The following UBE4B variants were observed in gnomAD, a reference collection of about 807,000 sequenced individuals.
UBE4B encodes the protein ubiquitin conjugation factor E4 B.
Under a neutral mutation model 148.1 loss-of-function variants are expected in UBE4B, and 27 were observed. The ratio of observed to expected loss-of-function variants is 0.18; its 90% CI spans 0.13 to 0.25. UBE4B has a LOEUF of 0.25. Among genes scored for constraint, UBE4B ranks in the 10% least tolerant of loss-of-function variants. The pLI is 1.00. For missense variants in UBE4B, 1,170 were observed against 1,662.4 expected (o/e 0.70, Z 5.15); for synonymous variants, 596 against 619.3 (o/e 0.96, Z 0.56).
At position 10,137,154 on chromosome 1, in the gene UBE4B, C is replaced by G. The variant is rs767351956; in HGVS notation, c.2312C>G (p.Pro771Arg). 6.2e-7 allele frequency: 1 copy of G among 1,614,110 alleles called. No individual in the cohort carries two copies. The highest frequency in any genetic ancestry group is 8.5e-7 in the Non-Finnish European group (1 of 1,180,030). Residue 771 changes from proline (P) to arginine (R), a missense_variant, in exon 17 of 28, where the codon CCT (proline) becomes CGT (arginine). Pro to Arg is a moderately radical substitution (Grantham distance 103). Transcript: ENST00000343090. Reference protein sequence around the residue: ...TLHAHHLSILPSCRRYIRRLR... With the variant: ...TLHAHHLSILRSCRRYIRRLR... ...CATGCTCACCACCTCTCTATTCTGC[C>G]TAGTTGCCGTCGCTATATCCGCAGA...
intron 21 of UBE4B, among the ~76,000 whole-genome samples, chr1:10,152,699 G>A (rs1015667815): frequency 1.3e-4 from 20 of 152,076 alleles, no homozygotes; most frequent in Non-Finnish European, 2.5e-4. Flanking sequence ...TCAGGAGGCC[G>A]AGGCACGAGA....
chr1:10,084,512 C>T (rs1644732651), intron 2 of UBE4B, among the ~76,000 whole-genome samples: 1 of 151,768 alleles, frequency 6.6e-6, no homozygotes, highest in Non-Finnish European at 1.5e-5. Flanking sequence ...GTTTTGGGTG[C>T]ATTTGTCTGG....
At chr1:10,155,514 C>T (rs1027064781) in intron 21 of UBE4B, among the ~76,000 whole-genome samples, 1 of 152,188 alleles carries the variant, frequency 6.6e-6, no homozygotes, top group Non-Finnish European at 1.5e-5. Flanking sequence ...GGTCTTCCTA[C>T]AGCTACTAAG....
rs936028503 is a variant in UBE4B at position 10,168,753 on chromosome 1, G to A, written c.3333+483G>A. Among the ~76,000 whole-genome samples, 8 of 152,084 alleles carry A rather than the reference G, an allele frequency of 5.3e-5. No homozygotes were observed. Among genetic ancestry groups the A allele is most frequent in the South Asian group, 2.1e-4 (1 of 4,822 alleles). On this transcript the variant is annotated intron_variant, in intron 24 of 27. Coordinates refer to ENST00000343090, the MANE Select transcript of UBE4B (RefSeq NM_001105562.3). This position sits in a 1 kb window ranked among gnomAD's most constrained non-coding sequence, Gnocchi z 4.9. ...TAAAAGTACAAAAAATTAGCTGGGC[G>A]TGGTGGTGGGCACCTGTAGTCCCAG...
At chr1:10,110,334 G>C (rs940872748) in intron 7 of UBE4B, among the ~76,000 whole-genome samples, 1 of 152,212 alleles carries the variant, frequency 6.6e-6, no homozygotes, top group Non-Finnish European at 1.5e-5. Flanking sequence ...GAAAAGAACT[G>C]TTTGAGATAT....
At chr1:10,086,120 C>T (rs995940298) in intron 2 of UBE4B, among the ~76,000 whole-genome samples, 11 of 152,040 alleles carry the variant, frequency 7.2e-5, no homozygotes, top group Admixed American at 5.2e-4. Context: ...TACAGGCGCC[C>T]GCCACCACGC....
rs141124105 is a variant in UBE4B, at chr1:10,133,744, C to G, written c.2026-1244C>G. Among the ~76,000 whole-genome samples, 1,271 of 151,956 alleles carry G rather than the reference C, an allele frequency of 8.4e-3. 11 individuals are homozygous for G. Among genetic ancestry groups the G allele is most frequent in the Non-Finnish European group, 0.013 (888 of 67,948 alleles). ...CTGGCGACATAATGAGACCCCATCTCTACAAAATATACAAAAGTCATCTGG... is the reference window on the plus strand; with the variant it reads ...CTGGCGACATAATGAGACCCCATCTGTACAAAATATACAAAAGTCATCTGG... On this transcript the variant is annotated intron_variant, in intron 15 of 27. Coordinates refer to ENST00000343090, the MANE Select transcript of UBE4B (RefSeq NM_001105562.3).
intron 18 of UBE4B, among the ~76,000 whole-genome samples, chr1:10,146,404 A>G (rs1204544087): frequency 6.6e-6 from 1 of 152,232 alleles, no homozygotes; most frequent in East Asian, 1.9e-4. Context: ...GTGAGCCAAG[A>G]TCGCGCCACT....
chr1:10,178,430 T>A (rs771121903), intron 25 of UBE4B, among the ~76,000 whole-genome samples: 2 of 152,122 alleles, frequency 1.3e-5, no homozygotes, highest in South Asian at 4.1e-4. Context: ...ATTATTCCAG[T>A]CTTTATCCAT....
intron 5 of UBE4B, among the ~76,000 whole-genome samples, chr1:10,103,363 C>T (rs1015091608): frequency 6.6e-6 from 1 of 151,484 alleles, no homozygotes; most frequent in Non-Finnish European, 1.5e-5. Context: ...AAGTTTTTCT[C>T]TTTGTAGTAA....
At chr1:10,151,267 G>A in intron 20 of UBE4B, 59 bp from the exon 21 acceptor site, 1 of 1,531,140 alleles carries the variant, frequency 6.5e-7, no homozygotes. Flanking sequence ...CTTCACCCAA[G>A]ATGAGTTTCT....
At chr1:10,076,858 T>A (rs915042553) in intron 2 of UBE4B, among the ~76,000 whole-genome samples, 14 of 148,948 alleles carry the variant, frequency 9.4e-5, no homozygotes, top group East Asian at 4.2e-4. Flanking sequence ...GCTATTCTCC[T>A]ACCTCAGCCT....
At chr1:10,121,933 C>T (rs1189745862) in intron 9 of UBE4B, 29 bp from the exon 10 acceptor site, 2 of 1,514,934 alleles carry the variant, frequency 1.3e-6, no homozygotes, top group Non-Finnish European at 1.8e-6. Context: ...TTGACTTCAT[C>T]ACCGTCCCTA....
chr1:10,079,637 A>T (rs1182051458), intron 2 of UBE4B, among the ~76,000 whole-genome samples: 1 of 152,192 alleles, frequency 6.6e-6, no homozygotes, highest in Non-Finnish European at 1.5e-5. Context: ...ATCTGTTTCC[A>T]TCTGTGGACC....
rs1645742679 is a variant in UBE4B, at chr1:10,139,065, A to G, written c.2363+1860A>G. ...GTAATTTTCATTTCTTGTTAAGTGC[A>G]TCTCAAATTTTGGTATCAAGGTTAT... On this transcript the variant is annotated intron_variant, in intron 17 of 27. Coordinates refer to ENST00000343090, the MANE Select transcript of UBE4B (RefSeq NM_001105562.3). 2.0e-5 allele frequency among the ~76,000 whole-genome samples: 3 copies of G among 152,238 alleles called. No homozygotes were observed. In the South Asian group the frequency reaches 6.2e-4, roughly 31 times the overall value.
chr1:10,106,696 T>C lies in UBE4B; in HGVS notation c.1196+113T>C. On this transcript the variant is annotated intron_variant, in intron 7 of 27. Coordinates refer to ENST00000343090, the MANE Select transcript of UBE4B (RefSeq NM_001105562.3). The surrounding 1 kb of genome is among the most constrained non-coding windows in gnomAD (Gnocchi z 4.2). ...GACTCTGTTAAATTGTTGTTTTGGG[T>C]TATTAACCTGTGTGGCTAACTAGTT... is the stretch of plus-strand genomic sequence containing the variant. The C allele has an allele frequency of 7.3e-7, 1 of 1,367,408 alleles. No individual in the cohort carries two copies. The allele number at this position is 1,367,408 out of a possible 1,614,324, so 84.7% of individuals were successfully genotyped here. A position where few individuals can be genotyped will look rare whatever the true frequency, so the allele number is the denominator to read the frequency against.
intron 2 of UBE4B, among the ~76,000 whole-genome samples, chr1:10,086,065 T>A (rs58810363): frequency 2.0e-5 from 3 of 151,920 alleles, no homozygotes; most frequent in East Asian, 3.9e-4. Flanking sequence ...TCCACCTCCC[T>A]GGTTCACGCC....
chr1:10,135,317 T>G, intron 16 of UBE4B, 131 bp downstream of exon 16: 1 of 989,296 alleles, frequency 1.0e-6, no homozygotes, highest in Admixed American at 2.2e-5. Context: ...TAAAAATTAA[T>G]ACAGTAGGCC....
At chr1:10,131,786 A>G (rs1005350696) in intron 14 of UBE4B, among the ~76,000 whole-genome samples, 2 of 152,094 alleles carry the variant, frequency 1.3e-5, no homozygotes, top group Non-Finnish European at 2.9e-5. Flanking sequence ...CCCCATCTCT[A>G]CTAAAATACA....
Sources: allele counts gnomAD v4.1 joint callset (sites outside exome capture counted in the v4.1 genomes callset), GRCh38; gene constraint gnomAD v4.1.1; non-coding constraint Gnocchi (gnomAD v3.1); transcripts MANE v1.5; gene names NCBI Gene and HGNC (gene_info 2026-07-23, HGNC 2026-07-21).